The following KCNAB1 variants were observed in gnomAD, a reference collection of about 807,000 sequenced individuals.
The protein encoded by KCNAB1 is potassium voltage-gated channel subfamily A regulatory beta subunit 1.
A neutral mutation model predicts 64.6 loss-of-function variants in KCNAB1; 35 were observed. That is an observed-to-expected ratio of 0.54 (90% confidence interval 0.41 to 0.72). The LOEUF is 0.72. KCNAB1 is among the 30% of genes least tolerant of loss of function. The pLI, the probability that KCNAB1 is intolerant of heterozygous loss-of-function variation, is 0.00. For synonymous variants in KCNAB1, 177 were observed against 183.8 expected (o/e 0.96, Z 0.30); for missense variants, 401 against 512.9 (o/e 0.78, Z 2.11).
intron 1 of KCNAB1, among the ~76,000 whole-genome samples, chr3:156,371,044 G>A (rs867658169): frequency 8.5e-5 from 13 of 152,200 alleles, no homozygotes; most frequent in South Asian, 2.1e-4. Flanking sequence ...GGGCTCAGAT[G>A]TTTATCATAG....
chr3:156,185,210 C>A (rs1713109263), intron 1 of KCNAB1, among the ~76,000 whole-genome samples: 2 of 152,220 alleles, frequency 1.3e-5, no homozygotes, highest in African/African-American at 4.8e-5. Flanking sequence ...GCTCATGTGA[C>A]CTTCAGTCTT....
At chr3:156,234,581 G>C (rs140572413) in intron 1 of KCNAB1, among the ~76,000 whole-genome samples, 2 of 152,234 alleles carry the variant, frequency 1.3e-5, no homozygotes, top group Admixed American at 1.3e-4. Flanking sequence ...GATGGGTTGG[G>C]GGGGTGTCCT....
chr3:156,271,653 G>GAAAC (rs1300132962), intron 1 of KCNAB1, among the ~76,000 whole-genome samples: 1 of 152,192 alleles, frequency 6.6e-6, no homozygotes, highest in African/African-American at 2.4e-5. Flanking sequence ...TGCTCTGTAT[G>GAAAC]AAACGTCAAA....
chr3:156,191,422 C>T (rs1713553454), intron 1 of KCNAB1, among the ~76,000 whole-genome samples: 1 of 152,256 alleles, frequency 6.6e-6, no homozygotes, highest in Non-Finnish European at 1.5e-5. Context: ...GCTTCACACA[C>T]AGGAATGCTT....
chr3:156,147,990 G>A (rs1391399321), intron 1 of KCNAB1, among the ~76,000 whole-genome samples: 2 of 130,920 alleles, frequency 1.5e-5, no homozygotes, highest in East Asian at 2.0e-4. Flanking sequence ...AACACACACC[G>A]CACCCTGGAG....
At chr3:156,487,853 A>G (rs1173507595) in intron 8 of KCNAB1, among the ~76,000 whole-genome samples, 1 of 152,108 alleles carries the variant, frequency 6.6e-6, no homozygotes, top group Non-Finnish European at 1.5e-5. Context: ...CCATCTGACA[A>G]GAGAATTCAC....
intron 8 of KCNAB1, among the ~76,000 whole-genome samples, chr3:156,499,665 A>G (rs1242237350): frequency 6.6e-6 from 1 of 152,150 alleles, no homozygotes; most frequent in Non-Finnish European, 1.5e-5. Context: ...TTAGAGAGAA[A>G]TTTAAAACTG....
intron 2 of KCNAB1, among the ~76,000 whole-genome samples, chr3:156,451,752 A>G (rs1390424998): frequency 6.6e-6 from 1 of 152,036 alleles, no homozygotes; most frequent in Non-Finnish European, 1.5e-5. Context: ...CTGATGGTGT[A>G]GGCCCCTGCT....
At chr3:156,272,985 G>A (rs1036588239) in intron 1 of KCNAB1, among the ~76,000 whole-genome samples, 1 of 152,100 alleles carries the variant, frequency 6.6e-6, no homozygotes, top group East Asian at 1.9e-4. Context: ...CTAGCCCAGG[G>A]TTTGTCTAGA....
intron 2 of KCNAB1, among the ~76,000 whole-genome samples, chr3:156,429,350 A>G (rs903394965): frequency 1.3e-5 from 2 of 152,178 alleles, no homozygotes; most frequent in African/African-American, 4.8e-5. Flanking sequence ...ACTGGACTGG[A>G]AAGCCTCCAA....
Position 156,477,029 on chromosome 3 carries a change from A to G in KCNAB1, c.658+2209A>G, listed in dbSNP as rs114016083. ...ACCTTTAATTTTAGGAATATATTGT[A>G]GGAGTCTCTCAAACAGAAAACATAA... On this transcript the variant is annotated intron_variant, in intron 8 of 13. Coordinates refer to ENST00000490337, the MANE Select transcript of KCNAB1 (RefSeq NM_172160.3). Among the ~76,000 whole-genome samples, 882 of 152,272 alleles carry G rather than the reference A, an allele frequency of 5.8e-3. 9 individuals are homozygous for G. The highest frequency in any genetic ancestry group is 0.02 in the African/African-American group (832 of 41,542).
intron 1 of KCNAB1, among the ~76,000 whole-genome samples, chr3:156,206,529 C>A (rs1714674481): frequency 6.6e-6 from 1 of 152,340 alleles, no homozygotes; most frequent in Admixed American, 6.5e-5. Context: ...ACCCCCAAAT[C>A]AGGGCAAGGC....
intron 8 of KCNAB1, among the ~76,000 whole-genome samples, chr3:156,507,902 TA>T (rs1716931025): frequency 6.6e-6 from 1 of 152,138 alleles, no homozygotes; most frequent in South Asian, 2.1e-4. Flanking sequence ...GCTCTAAAAA[TA>T]GCAATTTTAT....
intron 8 of KCNAB1, among the ~76,000 whole-genome samples, chr3:156,506,413 C>G (rs1716837807): frequency 6.6e-6 from 1 of 152,190 alleles, no homozygotes; most frequent in Non-Finnish European, 1.5e-5. Flanking sequence ...TTTCAATAAC[C>G]TATTTCACAT....
At chr3:156,170,957 T>C (rs1260891556) in intron 1 of KCNAB1, among the ~76,000 whole-genome samples, 1 of 152,188 alleles carries the variant, frequency 6.6e-6, no homozygotes, top group Non-Finnish European at 1.5e-5. Context: ...TATGTTTTGG[T>C]ATAAATATCC....
At chr3:156,155,478 G>A (rs1170885283) in intron 1 of KCNAB1, among the ~76,000 whole-genome samples, 1 of 152,194 alleles carries the variant, frequency 6.6e-6, no homozygotes, top group Non-Finnish European at 1.5e-5. Flanking sequence ...GGGAGCAGTT[G>A]CCATTTTAAA....
chr3:156,377,735 A>C (rs1024857363), intron 1 of KCNAB1, among the ~76,000 whole-genome samples: 8 of 152,178 alleles, frequency 5.3e-5, no homozygotes, highest in Non-Finnish European at 1.5e-5. Context: ...GATTGCTAAG[A>C]AAACTTTATC....
At chr3:156,227,685 T>TC (rs1309420288) in intron 1 of KCNAB1, 23 of 152,354 alleles carry the variant, frequency 1.5e-4, no homozygotes, top group African/African-American at 5.5e-4. Flanking sequence ...CCCCAGTCAC[T>TC]CACCAAATGA....
chr3:156,365,320 A>G (rs933947885), intron 1 of KCNAB1, among the ~76,000 whole-genome samples: 1 of 152,204 alleles, frequency 6.6e-6, no homozygotes, highest in Non-Finnish European at 1.5e-5. Flanking sequence ...AACATGTGTA[A>G]GTTGCCTGGT....
Sources: gnomAD v4.1 joint callset for allele counts (sites outside exome capture counted in the v4.1 genomes callset) on GRCh38, gnomAD v4.1.1 for gene constraint, MANE v1.5 for transcripts, NCBI Gene and HGNC (gene_info 2026-07-23, HGNC 2026-07-21) for gene names.